Variants in SPTB observed in about 807,000 individuals in gnomAD.
The protein encoded by SPTB is spectrin beta, erythrocytic.
SPTB carries 45 observed loss-of-function variants against 256.2 expected under a neutral mutation model. The ratio of observed to expected loss-of-function variants is 0.18; its 90% CI spans 0.14 to 0.23. The LOEUF (loss-of-function observed/expected upper bound fraction) is 0.23. SPTB is among the 10% of genes least tolerant of loss of function. SPTB has a pLI of 1.00. For missense variants in SPTB, 2,715 were observed against 3,040.4 expected (o/e 0.89, Z 2.52); for synonymous variants, 1,231 against 1,243.1 (o/e 0.99, Z 0.21).
chr14:64,803,909 T>C (rs2082934685), intron 3 of SPTB, 129 bp from the exon 4 acceptor site: 1 of 948,306 alleles, frequency 1.1e-6, no homozygotes, highest in Non-Finnish European at 1.6e-6. Flanking sequence ...AGTCCCATGG[T>C]CATTCATTGA....
intron 2 of SPTB, among the ~76,000 whole-genome samples, chr14:64,822,303 A>T (rs2083300547): frequency 1.7e-5 from 2 of 114,298 alleles, no homozygotes; most frequent in Non-Finnish European, 3.9e-5. Flanking sequence ...CAACAGGGGG[A>T]GGAGAAGTCA....
chr14:64,753,919 C>T, intron 32 of SPTB, 126 bp from the exon 33 acceptor site: 2 of 1,314,292 alleles, frequency 1.5e-6, no homozygotes, highest in Non-Finnish European at 2.1e-6. Flanking sequence ...CTTTCTACTC[C>T]CACCTCCTGG....
In SPTB at chr14:64,866,626, G is replaced by C. The variant is rs900364689; in HGVS notation, c.-52+13166C>G. ...TTGCAGTGGGAGTGCATCCATGACA[G>C]AGAGTTTTGTTGAAAGGAACAAAAC... On this transcript the variant is annotated intron_variant, in intron 1 of 35. Transcript: ENST00000644917. This position sits in a 1 kb window ranked among gnomAD's most constrained non-coding sequence, Gnocchi z 4.6. Among the ~76,000 whole-genome samples, 8 of 152,144 alleles carry C rather than the reference G, an allele frequency of 5.3e-5. No homozygotes were observed. The highest frequency in any genetic ancestry group is 2.1e-4 in the South Asian group (1 of 4,832).
Position 64,823,526 on chromosome 14 carries a change from C to A in SPTB, c.-51-381G>T, listed in dbSNP as rs1830309417. On this transcript the variant is annotated intron_variant, in intron 1 of 35. Coordinates refer to ENST00000644917, the MANE Select transcript of SPTB (RefSeq NM_001355436.2). This position sits in a 1 kb window ranked among gnomAD's most constrained non-coding sequence, Gnocchi z 6.5. ...GCAGGGCACAAGCTGGGGAAAGCAA[C>A]CCTCACCCTGAGGACTAGGCCAGGA... 6.6e-6 allele frequency among the ~76,000 whole-genome samples: 1 copy of A among 152,154 alleles called. No homozygotes were observed. Among genetic ancestry groups the A allele is most frequent in the African/African-American group, 2.4e-5 (1 of 41,430 alleles).
chr14:64,811,092 G>A (rs149736048), intron 2 of SPTB, among the ~76,000 whole-genome samples: 37 of 152,082 alleles, frequency 2.4e-4, no homozygotes, highest in African/African-American at 8.9e-4. Context: ...CAGCCTGGGT[G>A]AAAGATTGAG....
Position 64,791,704 on chromosome 14 carries a change from C to T in SPTB, c.2804+15G>A, listed in dbSNP as rs750081021. On this transcript the variant is annotated intron_variant, in intron 15 of 35. Coordinates refer to ENST00000644917, the MANE Select transcript of SPTB (RefSeq NM_001355436.2). The stretch of plus-strand genomic sequence containing the variant: ...AGAGACAATGCCCCCGCCCCATGCC[C>T]TACCCACACCCCACCTGGTGTTCAG... The T allele has an allele frequency of 3.5e-5, 57 of 1,614,016 alleles. No homozygotes were observed. The Middle Eastern group carries it at 6.6e-4, about 19-fold the overall frequency.
At chr14:64,765,925 A>AGT (rs1245304876) in intron 32 of SPTB, among the ~76,000 whole-genome samples, 3 of 127,168 alleles carry the variant, frequency 2.4e-5, no homozygotes, top group African/African-American at 9.6e-5. Context: ...GGTGTGTATG[A>AGT]GTGTGTATGT....
intron 1 of SPTB, among the ~76,000 whole-genome samples, chr14:64,861,274 T>C (rs2083965336): frequency 6.6e-6 from 1 of 152,144 alleles, no homozygotes; most frequent in Non-Finnish European, 1.5e-5. Context: ...CATGTATACC[T>C]ATGTAACAAA....
intron 1 of SPTB, among the ~76,000 whole-genome samples, chr14:64,838,313 A>G (rs79253540): frequency 1.7e-5 from 2 of 116,700 alleles, no homozygotes; most frequent in African/African-American, 8.7e-5. Flanking sequence ...AAATTTCCAG[A>G]AAAAAAATCA....
In SPTB at chr14:64,843,712, GA is replaced by G. The variant is rs367687067; in HGVS notation, c.-51-20568del. 5.0e-3 allele frequency among the ~76,000 whole-genome samples: 767 copies of G among 152,332 alleles called. 8 individuals are homozygous for G. Among genetic ancestry groups the G allele is most frequent in the African/African-American group, 0.018 (745 of 41,584 alleles). On this transcript the variant is annotated intron_variant, in intron 1 of 35. Coordinates refer to ENST00000644917, the MANE Select transcript of SPTB (RefSeq NM_001355436.2). ...CAACCTGAGGACCACGACTGGGAGAGAAGAGTGGGTGTGAACAGACGGGAAT... is the reference window on the plus strand; with the variant it reads ...CAACCTGAGGACCACGACTGGGAGAGAGAGTGGGTGTGAACAGACGGGAAT...
intron 33 of SPTB, chr14:64,752,076 A>C (rs1256492542): frequency 5.8e-5 from 50 of 857,428 alleles, no homozygotes; most frequent in Non-Finnish European, 7.3e-5. Flanking sequence ...CCGGGGTGAC[A>C]GAGTGAGACT....
Position 64,807,839 on chromosome 14 carries a change from G to A in SPTB, c.149-2749C>T, listed in dbSNP as rs1451593505. 1.3e-5 allele frequency among the ~76,000 whole-genome samples: 2 copies of A among 152,188 alleles called. No homozygotes were observed. The highest frequency in any genetic ancestry group is 2.9e-5 in the Non-Finnish European group (2 of 68,026). On this transcript the variant is annotated intron_variant, in intron 2 of 35. Coordinates refer to ENST00000644917, the MANE Select transcript of SPTB (RefSeq NM_001355436.2). This position sits in a 1 kb window ranked among gnomAD's most constrained non-coding sequence, Gnocchi z 4.7. ...TACACTGGGCCTGCTGTCCCCAGGG[G>A]ACCCAGGCCATCCTACTGGGACCCA... is the stretch of plus-strand genomic sequence containing the variant.
intron 2 of SPTB, among the ~76,000 whole-genome samples, chr14:64,814,388 AGTGTCT>A (rs2083150512): frequency 1.3e-5 from 2 of 152,172 alleles, no homozygotes; most frequent in Non-Finnish European, 2.9e-5. Flanking sequence ...TAGACATTAA[AGTGTCT>A]ATATGAGACT....
chr14:64,760,939 C>T lies in SPTB; in HGVS notation c.6345+5787G>A, dbSNP rs78312770. 0.027 allele frequency among the ~76,000 whole-genome samples: 4,062 copies of T among 152,316 alleles called. 97 individuals carry two copies. Among genetic ancestry groups the T allele is most frequent in the Middle Eastern group, 0.071 (21 of 294 alleles). On this transcript the variant is annotated intron_variant, in intron 32 of 35. Transcript: ENST00000644917. The surrounding 1 kb of genome is among the most constrained non-coding windows in gnomAD (Gnocchi z 4.3). ...AAGAGAGGAGACCTGTATCCTCACT[C>T]CAGAGGAAAGCACCTGCCCGATGGG...
intron 2 of SPTB, among the ~76,000 whole-genome samples, chr14:64,805,809 G>A (rs1370261544): frequency 6.6e-6 from 1 of 152,246 alleles, no homozygotes; most frequent in Non-Finnish European, 1.5e-5. Context: ...GTTCCTGATA[G>A]GGGGAGGAAA....
Position 64,786,461 on chromosome 14 carries a change from A to G in SPTB, c.3504T>C (p.Leu1168=). ...ESRSHTLAQC[L]GFQEFQKDAK... The stretch of plus-strand genomic sequence containing the variant: ...CATCTTTCTGGAACTCCTGGAAGCC[A>G]AGGCACTGAGCGAGGGTGTGGCTGC... Residue 1168 remains leucine (L), a synonymous_variant, in exon 16 of 36, where the codon CTT becomes CTC. Transcript: ENST00000644917. This position sits in a 1 kb window ranked among gnomAD's most constrained non-coding sequence, Gnocchi z 5.6. 1 of 1,614,158 alleles carries G rather than the reference A, an allele frequency of 6.2e-7. No homozygotes were observed.
chr14:64,772,826 G>C lies in SPTB; in HGVS notation c.5307C>G (p.Ala1769=). Reference sequence around the variant, plus strand: ...TCTCGTTCAGCCCGTCCTTCCACTCGGCGATGGTGGCCGCCTCGCTGTGGC... The same window carrying C: ...TCTCGTTCAGCCCGTCCTTCCACTCCGCGATGGTGGCCGCCTCGCTGTGGC... The part of the protein sequence containing the change: ...DAGHSEAATI[A]EWKDGLNEMW... The change falls in exon 26 of 36, where the codon GCC becomes GCG. Residue 1769 remains alanine (A), a synonymous_variant. Coordinates refer to ENST00000644917, the MANE Select transcript of SPTB (RefSeq NM_001355436.2). The surrounding 1 kb of genome is among the most constrained non-coding windows in gnomAD (Gnocchi z 5.4). 6.2e-7 allele frequency: 1 copy of C among 1,613,840 alleles called. No homozygotes were observed. The highest frequency in any genetic ancestry group is 8.5e-7 in the Non-Finnish European group (1 of 1,179,976).
At chr14:64,767,882 G>C (rs368276704) in intron 29 of SPTB, 23 bp from the exon 30 acceptor site, 2 of 1,612,364 alleles carry the variant, frequency 1.2e-6, no homozygotes, top group African/African-American at 2.7e-5. Context: ...ACAGGACACA[G>C]ACCCCCCACA....
rs1225539653 is a variant in SPTB, at chr14:64,767,812, A to G, written c.6070T>C (p.Trp2024Arg). 2 of 1,614,036 alleles carry G rather than the reference A, an allele frequency of 1.2e-6. No individual in the cohort carries two copies. The highest frequency in any genetic ancestry group is 2.2e-5 in the East Asian group (1 of 44,844). ...FSRDASVAEAWLIAQEPYLAS... is the reference protein window; with the variant it reads ...FSRDASVAEARLIAQEPYLAS... ...AGGTAGGGCTCCTGGGCAATCAGCC[A>G]CGCCTCAGCCACAGAGGCATCCCTC... The change falls in exon 30 of 36, where the codon TGG becomes CGG. Residue 2024 changes from tryptophan to arginine, a missense_variant. Trp to Arg is a moderately radical substitution (Grantham distance 101, BLOSUM62 -3). Around this residue, in one of 4 missense-constraint regions of SPTB, gnomAD observed 2,239 missense variants for 2,384.4 expected, o/e 0.94. Coordinates refer to ENST00000644917, the MANE Select transcript of SPTB (RefSeq NM_001355436.2).
Sources: allele counts gnomAD v4.1 joint callset (sites outside exome capture counted in the v4.1 genomes callset), GRCh38; gene constraint gnomAD v4.1.1; regional missense constraint gnomAD v4.1.1; non-coding constraint Gnocchi (gnomAD v3.1); transcripts MANE v1.5; gene names NCBI Gene and HGNC (gene_info 2026-07-23, HGNC 2026-07-21).